Variants in LIN52 observed in about 807,000 individuals in gnomAD.
LIN52 encodes the protein protein lin-52 homolog.
Under a neutral mutation model 18.5 loss-of-function variants are expected in LIN52, and 4 were observed. That is an observed-to-expected ratio of 0.22 (90% CI 0.11 to 0.49). LIN52 has a LOEUF of 0.49. Ranked by LOEUF, LIN52 falls within the 20% of genes least tolerant of loss-of-function variation. The pLI is 0.97. For missense variants in LIN52, 102 were observed against 139.5 expected, an observed-to-expected ratio of 0.73 and a Z score of 1.35; for synonymous variants, 34 against 45.5, an observed-to-expected ratio of 0.75 and a Z score of 1.02.
intron 5 of LIN52, among the ~76,000 whole-genome samples, chr14:74,168,951 G>A (rs908612946): frequency 6.6e-6 from 1 of 152,086 alleles, no homozygotes; most frequent in Non-Finnish European, 1.5e-5. Context: ...CTACTTGGGA[G>A]GCTGAGGCAG....
At chr14:74,090,847 C>T (rs1472139777) in intron 1 of LIN52, among the ~76,000 whole-genome samples, 4 of 152,086 alleles carry the variant, frequency 2.6e-5, no homozygotes, top group Non-Finnish European at 5.9e-5. Flanking sequence ...AGATGATATG[C>T]AAATGATGTC....
At chr14:74,099,131 C>T (rs1323716871) in intron 4 of LIN52, among the ~76,000 whole-genome samples, 1 of 152,052 alleles carries the variant, frequency 6.6e-6, no homozygotes, top group Admixed American at 6.6e-5. Flanking sequence ...TATCATCCTT[C>T]TGGTGATAAG....
intron 5 of LIN52, among the ~76,000 whole-genome samples, chr14:74,193,537 T>A (rs912421535): frequency 2.6e-5 from 4 of 152,216 alleles, no homozygotes; most frequent in African/African-American, 9.6e-5. Context: ...TGTAGGGCAA[T>A]ATGTCTTTAA....
intron 5 of LIN52, among the ~76,000 whole-genome samples, chr14:74,182,269 C>T (rs1187873380): frequency 6.6e-6 from 1 of 152,196 alleles, no homozygotes; most frequent in African/African-American, 2.4e-5. Flanking sequence ...GCCTAGGCCT[C>T]CCAAAGTGCT....
intron 2 of LIN52, 132 bp from the exon 3 acceptor site, chr14:74,095,816 T>C (rs2060807748): frequency 1.7e-6 from 1 of 584,944 alleles, no homozygotes; most frequent in Middle Eastern, 4.8e-4. Flanking sequence ...AACAGTGTTA[T>C]AGTTATTGGT....
intron 4 of LIN52, among the ~76,000 whole-genome samples, chr14:74,100,810 C>T (rs145463529): frequency 6.6e-6 from 1 of 152,256 alleles, no homozygotes; most frequent in Non-Finnish European, 1.5e-5. Flanking sequence ...GGTGAGGTAT[C>T]ATTGCCCAGG....
intron 5 of LIN52, among the ~76,000 whole-genome samples, chr14:74,119,999 C>T (rs918431163): frequency 6.6e-6 from 1 of 151,902 alleles, no homozygotes; most frequent in Non-Finnish European, 1.5e-5. Flanking sequence ...CCACGTGTGC[C>T]TAATTTTTGT....
At chr14:74,114,145 C>T in intron 5 of LIN52, 1 of 981,130 alleles carries the variant, frequency 1.0e-6, no homozygotes. Flanking sequence ...AGCGCCCGGC[C>T]AGAAATGCTT....
Position 74,092,289 on chromosome 14 carries a change from TTA to T in LIN52, c.94+991_94+992del, listed in dbSNP as rs578097932. On this transcript the variant is annotated intron_variant, in intron 2 of 5. Transcript: ENST00000555028. ...GCCTAGCCAACAATAATTATTATTA[TTA>T]TATATATGTATATATATATATATGT... 2.4e-3 allele frequency among the ~76,000 whole-genome samples: 292 copies of T among 120,430 alleles called. 2 individuals carry two copies. Among genetic ancestry groups the T allele is most frequent in the African/African-American group, 9.6e-3 (279 of 28,942 alleles). The allele number at this position is 120,430 out of a possible 152,430, so 79.0% of individuals were successfully genotyped here. A position where few individuals can be genotyped will look rare whatever the true frequency, so the allele number is the denominator to read the frequency against.
Position 74,171,232 on chromosome 14 carries a change from G to A in LIN52, c.284-27690G>A, listed in dbSNP as rs996156980. ...ATCTGTAAAAAAAAATTTGCCAGGT[G>A]TGGTAGCATGCACCTATAGACCCAG... On this transcript the variant is annotated intron_variant, in intron 5 of 5. Transcript: ENST00000555028. Among the ~76,000 whole-genome samples, 14 of 151,904 alleles carry A rather than the reference G, an allele frequency of 9.2e-5. 1 individual carries two copies. The highest frequency in any genetic ancestry group is 1.8e-4 in the Non-Finnish European group (12 of 67,994).
rs370452421 is a variant in LIN52, at chr14:74,158,121, A to ATTT, written c.284-40800_284-40799insTTT. 4.9e-3 allele frequency among the ~76,000 whole-genome samples: 692 copies of ATTT among 141,196 alleles called. 9 individuals are homozygous for ATTT. The highest frequency in any genetic ancestry group is 0.013 in the African/African-American group (523 of 39,530). 92.6% of individuals were successfully genotyped at this position (141,196 alleles called of 152,430 possible). A position where few individuals can be genotyped will look rare whatever the true frequency, so the allele number is the denominator to read the frequency against. Reference sequence around the variant, plus strand: ...TCATCACTGCTATATATATATATATATATATTTTTTTGAGATAGAGTCTCC... The same window carrying ATTT: ...TCATCACTGCTATATATATATATATATTTTATATTTTTTTGAGATAGAGTCTCC... On this transcript the variant is annotated intron_variant, in intron 5 of 5. Coordinates refer to ENST00000555028, the MANE Select transcript of LIN52 (RefSeq NM_001024674.3).
intron 5 of LIN52, among the ~76,000 whole-genome samples, chr14:74,171,912 G>C (rs943169502): frequency 2.0e-5 from 3 of 151,698 alleles, no homozygotes; most frequent in African/African-American, 7.3e-5. Flanking sequence ...CTAATTTTTT[G>C]TATTTTTAGT....
At chr14:74,172,759 A>C (rs2061277026) in intron 5 of LIN52, among the ~76,000 whole-genome samples, 1 of 152,256 alleles carries the variant, frequency 6.6e-6, no homozygotes, top group Non-Finnish European at 1.5e-5. Flanking sequence ...TAGTTAGATC[A>C]GAAAATGTTC....
At chr14:74,130,270 A>ATTTTTTTTTTT (rs2061053843) in intron 5 of LIN52, among the ~76,000 whole-genome samples, 5 of 44,240 alleles carry the variant, frequency 1.1e-4, no homozygotes, top group South Asian at 1.2e-3. Flanking sequence ...TTAGATAGGC[A>ATTTTTTTTTTT]TTTTTTGGTT....
intron 5 of LIN52, among the ~76,000 whole-genome samples, chr14:74,130,899 T>C (rs2061062364): frequency 6.6e-6 from 1 of 152,016 alleles, no homozygotes; most frequent in Non-Finnish European, 1.5e-5. Context: ...AATAGGCTTT[T>C]AATTGTAGAA....
chr14:74,110,268 G>A (rs2139900521), intron 5 of LIN52, among the ~76,000 whole-genome samples: 1 of 152,260 alleles, frequency 6.6e-6, no homozygotes, highest in East Asian at 1.9e-4. Context: ...ACATTTCACT[G>A]TAAAAAGATT....
In LIN52 at chr14:74,095,155, T is replaced by TTTTTG. The variant is rs1401270183; in HGVS notation, c.95-789_95-788insGTTTT. 4.1e-5 allele frequency among the ~76,000 whole-genome samples: 6 copies of TTTTTG among 148,010 alleles called. 1 individual carries two copies. The highest frequency in any genetic ancestry group is 1.0e-4 in the African/African-American group (4 of 40,008). ...TTACCATGCCCAACTAACTGTTTTTTTTTTTTTTTTTTTTGAGACAGGGTC... is the reference window on the plus strand; with the variant it reads ...TTACCATGCCCAACTAACTGTTTTTTTTTTGTTTTTTTTTTTTTTGAGACAGGGTC... On this transcript the variant is annotated intron_variant, in intron 2 of 5. Coordinates refer to ENST00000555028, the MANE Select transcript of LIN52 (RefSeq NM_001024674.3).
intron 5 of LIN52, among the ~76,000 whole-genome samples, chr14:74,194,039 A>G (rs190590123): frequency 5.3e-5 from 8 of 152,366 alleles, no homozygotes; most frequent in African/African-American, 1.7e-4. Context: ...TGTTCCCTAC[A>G]TAAAAGCTGA....
At chr14:74,158,444 CCTTT>C (rs1026414736) in intron 5 of LIN52, among the ~76,000 whole-genome samples, 42 of 150,146 alleles carry the variant, frequency 2.8e-4, no homozygotes, top group South Asian at 8.5e-4. Flanking sequence ...GTTATTTCTT[CCTTT>C]CTTTCTTTTT....
Sources: allele counts gnomAD v4.1 joint callset (sites outside exome capture counted in the v4.1 genomes callset), GRCh38; gene constraint gnomAD v4.1.1; transcripts MANE v1.5; gene names NCBI Gene and HGNC (gene_info 2026-07-23, HGNC 2026-07-21).